Variants in CFDP1 observed in about 807,000 individuals in gnomAD.
The protein encoded by CFDP1 is chromatin remodeling protein CFDP1.
In CFDP1, 31 loss-of-function variants were observed where a neutral mutation model predicts 40.1. The observed-to-expected ratio is 0.77, with a 90% CI of 0.58 to 1.04. The LOEUF (loss-of-function observed/expected upper bound fraction) is 1.04. CFDP1 is among the 50% of genes least tolerant of loss of function. The probability of loss-of-function intolerance (pLI) is 0.00; values close to 1 mark genes in which losing one functional copy is unlikely to be tolerated. For synonymous variants in CFDP1, 167 were observed against 120.0 expected, an observed-to-expected ratio of 1.39 and a Z score of -2.56; for missense variants, 423 against 343.4, an observed-to-expected ratio of 1.23 and a Z score of -1.83.
chr16:75,431,639 G>C (rs1340764412), intron 1 of CFDP1, among the ~76,000 whole-genome samples: 1 of 151,602 alleles, frequency 6.6e-6, no homozygotes, highest in Non-Finnish European at 1.5e-5. Flanking sequence ...ACACTGTCTC[G>C]AAAGAAAAAA....
intron 1 of CFDP1, among the ~76,000 whole-genome samples, chr16:75,420,060 T>G (rs2079259859): frequency 6.9e-6 from 1 of 144,508 alleles, no homozygotes; most frequent in African/African-American, 2.6e-5. Flanking sequence ...GAAGCTCTCT[T>G]GAGCCCAGGA....
At chr16:75,356,911 C>CTTT (rs576406459) in intron 5 of CFDP1, among the ~76,000 whole-genome samples, 17 of 80,648 alleles carry the variant, frequency 2.1e-4, no homozygotes, top group Non-Finnish European at 2.4e-4. Context: ...TGCTTTCTTT[C>CTTT]TTTTTTTTTT....
chr16:75,316,569 TAAAAAAAAAAAAA>T (rs780200659), intron 5 of CFDP1, among the ~76,000 whole-genome samples: 4 of 26,580 alleles, frequency 1.5e-4, no homozygotes, highest in East Asian at 1.2e-3. Flanking sequence ...AGACCCTGTC[TAAAAAAAAAAAAA>T]AAAAAAAAAA....
Position 75,412,323 on chromosome 16 carries a change from G to C in CFDP1, c.402+212C>G, listed in dbSNP as rs545002662. ...TGTGTGGCACTGCAGTCAGCCTATAGCTACTCTTAAATGTTTCATCTCTAA... is the reference window on the plus strand; with the variant it reads ...TGTGTGGCACTGCAGTCAGCCTATACCTACTCTTAAATGTTTCATCTCTAA... On this transcript the variant is annotated intron_variant, in intron 3 of 6. Transcript: ENST00000283882. 1.3e-5 allele frequency among the ~76,000 whole-genome samples: 2 copies of C among 152,234 alleles called. 1 individual carries two copies. Among genetic ancestry groups the C allele is most frequent in the East Asian group, 3.9e-4 (2 of 5,176 alleles).
intron 5 of CFDP1, among the ~76,000 whole-genome samples, chr16:75,363,577 G>T (rs955662016): frequency 6.6e-6 from 1 of 151,954 alleles, no homozygotes; most frequent in African/African-American, 2.4e-5. Context: ...TGTATTTTTA[G>T]TAGAGTCAGG....
chr16:75,430,896 GC>G (rs957252145), intron 1 of CFDP1, among the ~76,000 whole-genome samples: 4 of 152,278 alleles, frequency 2.6e-5, no homozygotes, highest in Non-Finnish European at 4.4e-5. Context: ...GGCAGGTTCA[GC>G]CCCCACTTCC....
chr16:75,395,803 A>C (rs1332718522), intron 4 of CFDP1, among the ~76,000 whole-genome samples: 2 of 152,202 alleles, frequency 1.3e-5, no homozygotes, highest in Non-Finnish European at 2.9e-5. Context: ...TAATTTGGGA[A>C]TGGACGAAAG....
intron 5 of CFDP1, among the ~76,000 whole-genome samples, chr16:75,318,432 G>A (rs2078339287): frequency 7.3e-6 from 1 of 137,908 alleles, no homozygotes; most frequent in South Asian, 2.3e-4. Context: ...TTGAGATGAA[G>A]TCTCACTCTG....
chr16:75,378,412 T>TG (rs2078821562), intron 5 of CFDP1, among the ~76,000 whole-genome samples: 1 of 152,182 alleles, frequency 6.6e-6, no homozygotes, highest in South Asian at 2.1e-4. Context: ...AAAACCACCC[T>TG]GCTTTTAAGA....
intron 2 of CFDP1, among the ~76,000 whole-genome samples, chr16:75,413,091 C>T (rs2079176598): frequency 6.6e-6 from 1 of 152,174 alleles, no homozygotes; most frequent in Non-Finnish European, 1.5e-5. Flanking sequence ...AAAGAATATT[C>T]TAAGAACATA....
intron 5 of CFDP1, among the ~76,000 whole-genome samples, chr16:75,321,099 C>G (rs535838340): frequency 1.3e-5 from 2 of 152,080 alleles, no homozygotes; most frequent in African/African-American, 4.8e-5. Flanking sequence ...CCTTGCTCAG[C>G]TAACAGCTAA....
chr16:75,368,669 T>C (rs1691514310), intron 5 of CFDP1, among the ~76,000 whole-genome samples: 1 of 152,170 alleles, frequency 6.6e-6, no homozygotes, highest in Non-Finnish European at 1.5e-5. Context: ...CTTTTGTGTG[T>C]AGGTCTGATA....
intron 5 of CFDP1, among the ~76,000 whole-genome samples, chr16:75,368,867 A>G (rs550957368): frequency 6.6e-6 from 1 of 152,248 alleles, no homozygotes; most frequent in East Asian, 1.9e-4. Flanking sequence ...TTTCATAATA[A>G]AAAGTTGTTT....
At chr16:75,335,116 C>A (rs2078477220) in intron 5 of CFDP1, among the ~76,000 whole-genome samples, 1 of 152,182 alleles carries the variant, frequency 6.6e-6, no homozygotes, top group Admixed American at 6.5e-5. Flanking sequence ...CACGGACCTA[C>A]CTAATCCTGT....
intron 1 of CFDP1, among the ~76,000 whole-genome samples, chr16:75,421,423 A>T (rs1289356296): frequency 1.3e-5 from 2 of 152,052 alleles, no homozygotes; most frequent in Non-Finnish European, 2.9e-5. Flanking sequence ...ACCCCCCAAA[A>T]CCTCAATATC....
chr16:75,405,996 C>T (rs2079096088), intron 4 of CFDP1, among the ~76,000 whole-genome samples: 1 of 151,950 alleles, frequency 6.6e-6, no homozygotes, highest in African/African-American at 2.4e-5. Context: ...AATCCCAGCA[C>T]TTTGGGAGGC....
chr16:75,402,815 A>G (rs7206541), intron 4 of CFDP1, among the ~76,000 whole-genome samples: 2 of 152,042 alleles, frequency 1.3e-5, no homozygotes, highest in African/African-American at 4.8e-5. Flanking sequence ...GTATAAATAA[A>G]TTAAGTTTAA....
intron 5 of CFDP1, among the ~76,000 whole-genome samples, chr16:75,393,878 T>A (rs899528414): frequency 4.7e-5 from 7 of 149,916 alleles, no homozygotes; most frequent in Admixed American, 4.0e-4. Context: ...GCTAACACAG[T>A]GAAACCTCGT....
At chr16:75,422,190 G>A (rs9935423) in intron 1 of CFDP1, among the ~76,000 whole-genome samples, 2,760 of 151,988 alleles carry the variant, frequency 0.018, 64 homozygotes, top group African/African-American at 0.063. Context: ...TCTGCCTCCC[G>A]TGTTCAAGCT....
Sources: gnomAD v4.1 joint callset for allele counts (sites outside exome capture counted in the v4.1 genomes callset) on GRCh38, gnomAD v4.1.1 for gene constraint, MANE v1.5 for transcripts, NCBI Gene and HGNC (gene_info 2026-07-23, HGNC 2026-07-21) for gene names.